The following ST6GALNAC3 variants were observed in gnomAD, a reference collection of about 807,000 sequenced individuals.
ST6GALNAC3 encodes alpha-N-acetylgalactosaminide alpha-2,6-sialyltransferase 3.
Under a neutral mutation model 32.7 loss-of-function variants are expected in ST6GALNAC3, and 25 were observed. The observed-to-expected ratio is 0.76, with a 90% CI of 0.56 to 1.07. ST6GALNAC3 has a LOEUF of 1.07. ST6GALNAC3 is among the 50% of genes least tolerant of loss of function. The probability of loss-of-function intolerance (pLI) is 0.00; values close to 1 mark genes in which losing one functional copy is unlikely to be tolerated. For missense variants in ST6GALNAC3, 355 were observed against 382.4 expected, an observed-to-expected ratio of 0.93 and a Z score of 0.60; for synonymous variants, 129 against 133.1, an observed-to-expected ratio of 0.97 and a Z score of 0.21.
At chr1:76,322,661 T>A (rs1646990047) in intron 2 of ST6GALNAC3, among the ~76,000 whole-genome samples, 1 of 152,172 alleles carries the variant, frequency 6.6e-6, no homozygotes, top group Admixed American at 6.6e-5. Context: ...TTACAAAGCC[T>A]TATTCACAAA....
chr1:76,490,005 A>T (rs888854399), intron 3 of ST6GALNAC3, among the ~76,000 whole-genome samples: 4 of 152,160 alleles, frequency 2.6e-5, no homozygotes, highest in African/African-American at 9.6e-5. Flanking sequence ...GGTATGATGT[A>T]AGAAAATCCC....
chr1:76,553,734 T>C (rs1664765343), intron 3 of ST6GALNAC3, among the ~76,000 whole-genome samples: 1 of 152,188 alleles, frequency 6.6e-6, no homozygotes, highest in Non-Finnish European at 1.5e-5. Context: ...TGTAAAACCT[T>C]TTGTAGATCT....
chr1:76,490,417 T>C (rs902685720), intron 3 of ST6GALNAC3, among the ~76,000 whole-genome samples: 2 of 150,368 alleles, frequency 1.3e-5, no homozygotes, highest in African/African-American at 4.9e-5. Flanking sequence ...TTTGGGCACA[T>C]TATTGTATAT....
intron 1 of ST6GALNAC3, among the ~76,000 whole-genome samples, chr1:76,154,419 CT>C (rs1258070474): frequency 1.3e-5 from 2 of 152,208 alleles, no homozygotes; most frequent in Non-Finnish European, 2.9e-5. Context: ...TCAGCTTCTA[CT>C]TTCAAGGTTT....
intron 1 of ST6GALNAC3, among the ~76,000 whole-genome samples, chr1:76,156,117 A>G: frequency 7.2e-6 from 1 of 139,454 alleles, no homozygotes; most frequent in South Asian, 2.5e-4. Context: ...GTTTTCTAAT[A>G]ATTAGACTGG....
intron 3 of ST6GALNAC3, among the ~76,000 whole-genome samples, chr1:76,462,459 C>T (rs1184114815): frequency 6.6e-6 from 1 of 152,020 alleles, no homozygotes; most frequent in Non-Finnish European, 1.5e-5. Flanking sequence ...CCACATACAG[C>T]CTTTTAAAAG....
chr1:76,485,569 T>C (rs915419691), intron 3 of ST6GALNAC3, among the ~76,000 whole-genome samples: 5 of 152,228 alleles, frequency 3.3e-5, no homozygotes, highest in Non-Finnish European at 7.3e-5. Context: ...AGTGGTGATA[T>C]CCCCTTTATG....
intron 1 of ST6GALNAC3, among the ~76,000 whole-genome samples, chr1:76,164,335 A>C (rs1345831019): frequency 1.3e-5 from 2 of 152,184 alleles, no homozygotes; most frequent in Non-Finnish European, 2.9e-5. Flanking sequence ...AGGCCAGTAA[A>C]GAAACTCCAA....
intron 3 of ST6GALNAC3, among the ~76,000 whole-genome samples, chr1:76,447,050 A>C (rs761684321): frequency 2.4e-4 from 37 of 152,212 alleles, no homozygotes; most frequent in Non-Finnish European, 4.3e-4. Flanking sequence ...GCTCAGAAGA[A>C]GACAGGAAAA....
chr1:76,409,895 T>G (rs1423269376), intron 2 of ST6GALNAC3, among the ~76,000 whole-genome samples: 1 of 152,140 alleles, frequency 6.6e-6, no homozygotes, highest in East Asian at 1.9e-4. Context: ...GAAAAAGTTT[T>G]TAAAGCAGTT....
At chr1:76,620,119 G>A (rs989521679) in intron 3 of ST6GALNAC3, among the ~76,000 whole-genome samples, 4 of 152,008 alleles carry the variant, frequency 2.6e-5, no homozygotes, top group Admixed American at 6.6e-5. Context: ...AACATGCCTC[G>A]CACCTAGAAA....
At chr1:76,422,636 G>A (rs1655101379) in intron 3 of ST6GALNAC3, among the ~76,000 whole-genome samples, 1 of 151,972 alleles carries the variant, frequency 6.6e-6, no homozygotes, top group Non-Finnish European at 1.5e-5. Context: ...TTCTGGGTTG[G>A]TATGCTTGGA....
At chr1:76,456,461 A>C (rs1420364995) in intron 3 of ST6GALNAC3, among the ~76,000 whole-genome samples, 1 of 152,036 alleles carries the variant, frequency 6.6e-6, no homozygotes, top group African/African-American at 2.4e-5. Flanking sequence ...ATTCTGCCTC[A>C]GTGTCCTGAG....
chr1:76,582,751 C>T (rs544646837), intron 3 of ST6GALNAC3, among the ~76,000 whole-genome samples: 5 of 152,244 alleles, frequency 3.3e-5, no homozygotes, highest in Admixed American at 6.5e-5. Flanking sequence ...TTCTGCCCTC[C>T]GGAACACAGC....
intron 1 of ST6GALNAC3, among the ~76,000 whole-genome samples, chr1:76,240,868 C>T (rs1317945328): frequency 6.6e-6 from 1 of 152,204 alleles, no homozygotes; most frequent in Non-Finnish European, 1.5e-5. Flanking sequence ...TGACTGAGAT[C>T]GCTGGAAAAA....
intron 1 of ST6GALNAC3, among the ~76,000 whole-genome samples, chr1:76,229,355 C>T (rs189009418): frequency 6.6e-6 from 1 of 152,166 alleles, no homozygotes; most frequent in African/African-American, 2.4e-5. Flanking sequence ...AAATAACACA[C>T]CCCTAACAAA....
chr1:76,477,228 ATT>A (rs11337512), intron 3 of ST6GALNAC3, among the ~76,000 whole-genome samples: 14 of 150,588 alleles, frequency 9.3e-5, no homozygotes, highest in East Asian at 7.8e-4. Context: ...TTCATCCAGC[ATT>A]TTTTTTTTTG....
At chr1:76,358,235 A>G (rs569817071) in intron 2 of ST6GALNAC3, among the ~76,000 whole-genome samples, 9 of 152,256 alleles carry the variant, frequency 5.9e-5, no homozygotes, top group African/African-American at 2.2e-4. Context: ...ATTTTAACCT[A>G]CATGGTGGAG....
chr1:76,540,142 G>A (rs1421008866), intron 3 of ST6GALNAC3, among the ~76,000 whole-genome samples: 1 of 152,136 alleles, frequency 6.6e-6, no homozygotes, highest in Non-Finnish European at 1.5e-5. Context: ...TAGAAAAAAT[G>A]TGGTACATAT....
Sources: gnomAD v4.1 joint callset for allele counts (sites outside exome capture counted in the v4.1 genomes callset) on GRCh38, gnomAD v4.1.1 for gene constraint, MANE v1.5 for transcripts, NCBI Gene and HGNC (gene_info 2026-07-23, HGNC 2026-07-21) for gene names.